The following TK2 variants were observed in gnomAD, a reference collection of about 807,000 sequenced individuals.
TK2 encodes the protein thymidine kinase 2, mitochondrial.
TK2 carries 35 observed loss-of-function variants against 41.9 expected under a neutral mutation model. The ratio of observed to expected loss-of-function variants is 0.84; its 90% CI spans 0.64 to 1.11. TK2 has a LOEUF of 1.11. TK2 is among the 50% of genes least tolerant of loss of function. The probability of loss-of-function intolerance (pLI) is 0.00; values close to 1 mark genes in which losing one functional copy is unlikely to be tolerated. For missense variants in TK2, 320 were observed against 351.1 expected, an observed-to-expected ratio of 0.91 and a Z score of 0.71; for synonymous variants, 128 against 129.1, an observed-to-expected ratio of 0.99 and a Z score of 0.06.
In TK2 at chr16:66,517,386, G is replaced by A. The variant is rs1964647042; in HGVS notation, c.539-171C>T. The stretch of plus-strand genomic sequence containing the variant: ...GCCTCGACTTTCATTCTCTTTCAGT[G>A]TCAGCGGCCCCGTGGGGTCGTTTTG... On this transcript the variant is annotated intron_variant, in intron 7 of 9. Transcript: ENST00000544898. This position sits in a 1 kb window ranked among gnomAD's most constrained non-coding sequence, Gnocchi z 4.3. 1.4e-6 allele frequency: 1 copy of A among 722,804 alleles called. No individual in the cohort carries two copies. The highest frequency in any genetic ancestry group is 1.7e-5 in the African/African-American group (1 of 57,794). The allele number at this position is 722,804 out of a possible 1,614,324, so 44.8% of individuals were successfully genotyped here. A position where few individuals can be genotyped will look rare whatever the true frequency, so the allele number is the denominator to read the frequency against.
chr16:66,513,899 C>A, intron 8 of TK2, 88 bp from the exon 9 acceptor site: 1 of 1,153,426 alleles, frequency 8.7e-7, no homozygotes, highest in Non-Finnish European at 1.3e-6. Flanking sequence ...TCAAAGTAGT[C>A]AATGACCATG....
chr16:66,516,023 G>C (rs1964601741), intron 8 of TK2, among the ~76,000 whole-genome samples: 1 of 152,174 alleles, frequency 6.6e-6, no homozygotes, highest in African/African-American at 2.4e-5. Flanking sequence ...AATACTAACT[G>C]AGCAACTACT....
Position 66,512,083 on chromosome 16 carries a change from T to C in TK2, c.700-17A>G, listed in dbSNP as rs756784379. On this transcript the variant is annotated splice_polypyrimidine_tract_variant and intron_variant, in intron 9 of 9. Transcript: ENST00000544898. ...CTCAATCACCTGGAAATTAGACACA[T>C]GGGTCACAAGGCTGCACTGACCTCA... 1 of 1,610,120 alleles carries C rather than the reference T, an allele frequency of 6.2e-7. No individual in the cohort carries two copies. The highest frequency in any genetic ancestry group is 8.5e-7 in the Non-Finnish European group (1 of 1,176,390).
chr16:66,541,355 T>A (rs187648177), intron 3 of TK2, among the ~76,000 whole-genome samples: 119 of 152,372 alleles, frequency 7.8e-4, no homozygotes, highest in Non-Finnish European at 7.9e-4. Flanking sequence ...GATTTTTATA[T>A]TGATTAAATG....
intron 6 of TK2, among the ~76,000 whole-genome samples, chr16:66,527,334 G>A (rs947900020): frequency 2.6e-5 from 4 of 152,188 alleles, no homozygotes; most frequent in Admixed American, 6.5e-5. Flanking sequence ...ATTTTGGGGG[G>A]TGACACAGGC....
At position 66,514,713 on chromosome 16, in the gene TK2, G is replaced by A. The variant is rs1964559120; in HGVS notation, c.619-902C>T. Among the ~76,000 whole-genome samples the A allele has an allele frequency of 6.6e-6, 1 of 152,216 alleles. No homozygotes were observed. The highest frequency in any genetic ancestry group is 1.5e-5 in the Non-Finnish European group (1 of 68,034). ...AGAACGGGCCATGATGACGATGGCG[G>A]TTTTGTCTAATAGAAAAGGGGGAAA... On this transcript the variant is annotated intron_variant, in intron 8 of 9. Transcript: ENST00000544898. This position sits in a 1 kb window ranked among gnomAD's most constrained non-coding sequence, Gnocchi z 4.2.
intron 3 of TK2, among the ~76,000 whole-genome samples, chr16:66,540,893 T>G (rs1002496731): frequency 2.0e-5 from 3 of 152,242 alleles, no homozygotes; most frequent in African/African-American, 7.2e-5. Flanking sequence ...AGGCAACTAT[T>G]AAGACCTTGA....
At chr16:66,519,610 G>T (rs1366074821) in intron 6 of TK2, among the ~76,000 whole-genome samples, 2 of 152,232 alleles carry the variant, frequency 1.3e-5, no homozygotes, top group Admixed American at 6.5e-5. Flanking sequence ...TGTGCCCTGG[G>T]AGGAAATGAA....
intron 5 of TK2, among the ~76,000 whole-genome samples, chr16:66,530,986 G>T (rs912223757): frequency 6.6e-6 from 1 of 152,182 alleles, no homozygotes; most frequent in Non-Finnish European, 1.5e-5. Context: ...GCCTCCCAAA[G>T]TGCTGGGATT....
At chr16:66,516,981 G>T (rs532798179) in intron 8 of TK2, among the ~76,000 whole-genome samples, 155 bp downstream of exon 8, 1 of 152,176 alleles carries the variant, frequency 6.6e-6, no homozygotes, top group East Asian at 1.9e-4. Context: ...GGCCAAACAG[G>T]AAGTCAGAGT....
intron 6 of TK2, among the ~76,000 whole-genome samples, chr16:66,521,088 C>T (rs1964765970): frequency 6.6e-6 from 1 of 152,360 alleles, no homozygotes; most frequent in Non-Finnish European, 1.5e-5. Flanking sequence ...TGCGTCTGCA[C>T]AGCTCGAGGG....
chr16:66,535,894 C>T (rs1965261693), intron 4 of TK2, among the ~76,000 whole-genome samples: 1 of 152,110 alleles, frequency 6.6e-6, no homozygotes, highest in South Asian at 2.1e-4. Context: ...CAGGAGATGC[C>T]AATTGTGTTG....
Position 66,514,745 on chromosome 16 carries a change from G to A in TK2, c.619-934C>T, listed in dbSNP as rs942346564. Among the ~76,000 whole-genome samples the A allele has an allele frequency of 2.0e-5, 3 of 152,206 alleles. No homozygotes were observed. The highest frequency in any genetic ancestry group is 2.9e-5 in the Non-Finnish European group (2 of 68,042). On this transcript the variant is annotated intron_variant, in intron 8 of 9. Coordinates refer to ENST00000544898, the MANE Select transcript of TK2 (RefSeq NM_004614.5). The surrounding 1 kb of genome is among the most constrained non-coding windows in gnomAD (Gnocchi z 4.2). ...CTAATAGAAAAGGGGGAAATGTGGG[G>A]AAAAGAAAGATCAGATTGTTACTGT...
chr16:66,540,149 A>G (rs977980015), intron 3 of TK2, among the ~76,000 whole-genome samples: 1 of 146,770 alleles, frequency 6.8e-6, no homozygotes, highest in Non-Finnish European at 1.5e-5. Context: ...AACTATATAT[A>G]TTTCTTTTCT....
In TK2 at chr16:66,513,745, C is replaced by G. The variant is rs750058780; in HGVS notation, c.685G>C (p.Ala229Pro). The change falls in exon 9 of 10, where the codon GCA (alanine) becomes CCA (proline). Residue 229 changes from alanine to proline, a missense_variant. Coordinates refer to ENST00000544898, the MANE Select transcript of TK2 (RefSeq NM_004614.5). Reference sequence around the variant, plus strand: ...GTCTTACTTACCAGAACAGGGGCTGCCATGGGGAAAAGGCTGCCTTTGATG... The same window carrying G: ...GTCTTACTTACCAGAACAGGGGCTGGCATGGGGAAAAGGCTGCCTTTGATG... Reference protein sequence around the residue: ...WLIKGSLFPMAAPVLVIEADH... With the variant: ...WLIKGSLFPMPAPVLVIEADH... 16 of 1,613,936 alleles carry G rather than the reference C, an allele frequency of 9.9e-6. No individual in the cohort carries two copies. Among genetic ancestry groups the G allele is most frequent in the Middle Eastern group, 1.7e-4 (1 of 5,990 alleles).
At chr16:66,549,423 A>T in intron 1 of TK2, 1 of 1,085,728 alleles carries the variant, frequency 9.2e-7, no homozygotes, top group Non-Finnish European at 1.1e-6. Flanking sequence ...ATCGCTGCCC[A>T]TCCGTCCCAC....
At chr16:66,546,394 C>A (rs1480140682) in intron 2 of TK2, among the ~76,000 whole-genome samples, 4 of 152,086 alleles carry the variant, frequency 2.6e-5, no homozygotes, top group Non-Finnish European at 4.4e-5. Flanking sequence ...AAAAAGGAAC[C>A]CAGCTGAATT....
At chr16:66,549,793 C>A in intron 1 of TK2, 145 bp downstream of exon 1, 2 of 1,285,010 alleles carry the variant, frequency 1.6e-6, no homozygotes, top group Non-Finnish European at 2.0e-6. Flanking sequence ...CGGCCGATGG[C>A]CGCCCCCGTC....
rs531491462 is a variant in TK2 at position 66,527,842 on chromosome 16, C to T, written c.449+1152G>A. 3.3e-5 allele frequency among the ~76,000 whole-genome samples: 5 copies of T among 152,160 alleles called. No individual in the cohort carries two copies. In the South Asian group the frequency reaches 1.0e-3, roughly 32 times the overall value. ...CCCAGGAGTTCAAGACCAACCTGGG[C>T]AATATGACGAAATCCTGCCTCTACT... On this transcript the variant is annotated intron_variant, in intron 6 of 9. Transcript: ENST00000544898.
Sources: gnomAD v4.1 joint callset for allele counts (sites outside exome capture counted in the v4.1 genomes callset) on GRCh38, gnomAD v4.1.1 for gene constraint, Gnocchi (gnomAD v3.1) non-coding constraint, MANE v1.5 for transcripts, NCBI Gene and HGNC (gene_info 2026-07-23, HGNC 2026-07-21) for gene names.